KCNN2: variants seen among roughly 807,000 people sequenced by gnomAD.
KCNN2 encodes potassium calcium-activated channel subfamily N member 2.
In KCNN2, 24 loss-of-function variants were observed where a neutral mutation model predicts 55.5. That is an observed-to-expected ratio of 0.43 (90% CI 0.31 to 0.61). The LOEUF (loss-of-function observed/expected upper bound fraction) is 0.61. Among genes scored for constraint, KCNN2 ranks in the 20% least tolerant of loss-of-function variants. The pLI is 0.08. For synonymous variants in KCNN2, 431 were observed against 336.1 expected (o/e 1.28, Z -3.09); for missense variants, 754 against 853.6 (o/e 0.88, Z 1.45).
intron 1 of KCNN2, among the ~76,000 whole-genome samples, chr5:114,107,958 T>C (rs1036176317): frequency 6.6e-6 from 1 of 152,136 alleles, no homozygotes; most frequent in Non-Finnish European, 1.5e-5. Context: ...TTTGATCAAA[T>C]CTATTAGAAA....
At chr5:114,404,924 AT>A in intron 3 of KCNN2, 68 bp downstream of exon 3, 2 of 1,415,962 alleles carry the variant, frequency 1.4e-6, no homozygotes, top group South Asian at 1.4e-5. Context: ...GAAAAAAAAA[AT>A]TTTAGACTTG....
At chr5:114,465,083 A>AATC (rs1449532268) in intron 4 of KCNN2, among the ~76,000 whole-genome samples, 1 of 152,080 alleles carries the variant, frequency 6.6e-6, no homozygotes, top group African/African-American at 2.4e-5. Context: ...TTTATTCTCC[A>AATC]ATCAGGTGTG....
intron 2 of KCNN2, among the ~76,000 whole-genome samples, chr5:114,282,874 A>G (rs1485547604): frequency 1.3e-5 from 2 of 152,132 alleles, no homozygotes; most frequent in East Asian, 1.9e-4. Flanking sequence ...TTCTAACTGT[A>G]CTTTCTTAAA....
intron 2 of KCNN2, among the ~76,000 whole-genome samples, chr5:114,258,215 CT>C (rs1196189680): frequency 6.6e-6 from 1 of 152,072 alleles, no homozygotes; most frequent in East Asian, 1.9e-4. Context: ...GATGTATTAG[CT>C]TTTTGATGTG....
Position 114,077,197 on chromosome 5 carries a change from T to C in KCNN2, c.-271+20697T>C, listed in dbSNP as rs140513565. On this transcript the variant is annotated intron_variant, in intron 1 of 10. Transcript: ENST00000512097. ...TCTGCAACGTTTGGAGACCTAAGCA[T>C]TCTCTTCTCCCAGGCAACAGAGTTG... Among the ~76,000 whole-genome samples the C allele has an allele frequency of 2.2e-3, 340 of 152,332 alleles. 1 individual carries two copies. The highest frequency in any genetic ancestry group is 2.6e-3 in the Non-Finnish European group (177 of 68,026).
At chr5:114,099,836 A>T (rs952088838) in intron 1 of KCNN2, among the ~76,000 whole-genome samples, 2 of 152,080 alleles carry the variant, frequency 1.3e-5, no homozygotes, top group African/African-American at 4.8e-5. Context: ...TTTTGACATT[A>T]GAGAGGTCCT....
intron 1 of KCNN2, among the ~76,000 whole-genome samples, chr5:114,123,067 C>T (rs2954364): frequency 0.069 from 10,569 of 152,076 alleles, 1,209 homozygotes; most frequent in African/African-American, 0.24. Context: ...TATATAAGGA[C>T]GGTAGAAAAT....
intron 1 of KCNN2, among the ~76,000 whole-genome samples, chr5:114,195,983 G>C (rs929554381): frequency 1.4e-4 from 21 of 151,902 alleles, no homozygotes; most frequent in African/African-American, 4.8e-4. Context: ...GTGTGAGAGA[G>C]GTCCTTAATT....
At chr5:114,221,319 G>A (rs987964319) in intron 1 of KCNN2, among the ~76,000 whole-genome samples, 9 of 152,176 alleles carry the variant, frequency 5.9e-5, no homozygotes, top group African/African-American at 2.2e-4. Flanking sequence ...GCTGACTGTA[G>A]ATGTTTTTAT....
chr5:114,473,178 C>CAT lies in KCNN2; in HGVS notation c.1890+19_1890+20dup. On this transcript the variant is annotated intron_variant, in intron 5 of 7. Coordinates refer to ENST00000673685, the MANE Select transcript of KCNN2 (RefSeq NM_021614.4). ...CTGACTAAAAGAGTAAGTTACTATC[C>CAT]ATATATCTTCAAAGAGAATATTATT... is the stretch of plus-strand genomic sequence containing the variant. The CAT allele has an allele frequency of 7.2e-7, 1 of 1,397,454 alleles. No homozygotes were observed. The highest frequency in any genetic ancestry group is 1.0e-6 in the Non-Finnish European group (1 of 988,396). The allele number at this position is 1,397,454 out of a possible 1,614,324, so 86.6% of individuals were successfully genotyped here.
chr5:114,280,080 T>C (rs1755590716), intron 2 of KCNN2, among the ~76,000 whole-genome samples: 1 of 152,220 alleles, frequency 6.6e-6, no homozygotes, highest in African/African-American at 2.4e-5. Context: ...ATGTGTCTTT[T>C]GGCTGCATAA....
At position 114,364,007 on chromosome 5, in the gene KCNN2, T is replaced by C. The variant is rs778820623; in HGVS notation, c.1218+6T>C. 1 of 1,605,856 alleles carries C rather than the reference T, an allele frequency of 6.2e-7. No homozygotes were observed. Among genetic ancestry groups the C allele is most frequent in the South Asian group, 1.1e-5 (1 of 90,888 alleles). ...ACCACGCCAGGGAAATACAGGTAAC[T>C]TAGGTCCTGCTGTTTATGAATGACC... On this transcript the variant is annotated splice_donor_region_variant and intron_variant, in intron 2 of 7. Transcript: ENST00000673685.
At chr5:114,168,529 A>G (rs1413358135) in intron 1 of KCNN2, among the ~76,000 whole-genome samples, 3 of 152,040 alleles carry the variant, frequency 2.0e-5, no homozygotes, top group Admixed American at 6.6e-5. Flanking sequence ...GCTTGCTAGT[A>G]TTAGAGTCAT....
chr5:114,058,094 A>T (rs997209457), intron 1 of KCNN2, among the ~76,000 whole-genome samples: 2 of 152,242 alleles, frequency 1.3e-5, no homozygotes, highest in African/African-American at 4.8e-5. Flanking sequence ...GACAGAAGAC[A>T]TGCATGTGAA....
At chr5:114,460,254 T>G (rs1761130272) in intron 3 of KCNN2, among the ~76,000 whole-genome samples, 1 of 152,180 alleles carries the variant, frequency 6.6e-6, no homozygotes, top group South Asian at 2.1e-4. Flanking sequence ...GTTTGTTGTT[T>G]TTTGACAAGG....
chr5:114,179,346 G>A (rs1315891512), intron 1 of KCNN2, among the ~76,000 whole-genome samples: 2 of 152,136 alleles, frequency 1.3e-5, no homozygotes, highest in African/African-American at 4.8e-5. Flanking sequence ...CTTTCCACAT[G>A]TGCTTCTCCG....
At chr5:114,265,396 C>T (rs1266626049) in intron 2 of KCNN2, among the ~76,000 whole-genome samples, 1 of 151,360 alleles carries the variant, frequency 6.6e-6, no homozygotes, top group African/African-American at 2.4e-5. Flanking sequence ...GAAATTGACT[C>T]ATGTGATTAT....
chr5:114,219,051 G>C (rs1317153715), intron 1 of KCNN2, among the ~76,000 whole-genome samples: 4 of 152,226 alleles, frequency 2.6e-5, no homozygotes, highest in Non-Finnish European at 5.9e-5. Context: ...CCTTGTGGGA[G>C]GGAGCAAGTA....
At chr5:114,073,665 C>A (rs1456295729) in intron 1 of KCNN2, among the ~76,000 whole-genome samples, 1 of 152,178 alleles carries the variant, frequency 6.6e-6, no homozygotes, top group African/African-American at 2.4e-5. Context: ...TAAGACCATT[C>A]ACTACTTACA....
Sources: allele counts gnomAD v4.1 joint callset (sites outside exome capture counted in the v4.1 genomes callset), GRCh38; gene constraint gnomAD v4.1.1; transcripts MANE v1.5; gene names NCBI Gene and HGNC (gene_info 2026-07-23, HGNC 2026-07-21).